The following DNTTIP1 variants were observed in gnomAD, a reference collection of about 807,000 sequenced individuals.
DNTTIP1 encodes deoxynucleotidyltransferase terminal-interacting protein 1.
A neutral mutation model predicts 52.9 loss-of-function variants in DNTTIP1; 22 were observed. The observed-to-expected ratio is 0.42, with a 90% CI of 0.30 to 0.59. DNTTIP1 has a LOEUF of 0.59. Among genes scored for constraint, DNTTIP1 ranks in the 20% least tolerant of loss-of-function variants. The probability of loss-of-function intolerance (pLI) is 0.22; values close to 1 mark genes in which losing one functional copy is unlikely to be tolerated. For synonymous variants in DNTTIP1, 136 were observed against 155.1 expected, an observed-to-expected ratio of 0.88 and a Z score of 0.92; for missense variants, 286 against 435.5, an observed-to-expected ratio of 0.66 and a Z score of 3.06.
intron 7 of DNTTIP1, among the ~76,000 whole-genome samples, chr20:45,802,722 A>G (rs1187524082): frequency 6.6e-6 from 1 of 152,162 alleles, no homozygotes; most frequent in Non-Finnish European, 1.5e-5. Flanking sequence ...AGACAAATGC[A>G]TAGTGACAGG....
intron 4 of DNTTIP1, among the ~76,000 whole-genome samples, chr20:45,799,487 G>C (rs963930296): frequency 6.6e-6 from 1 of 152,108 alleles, no homozygotes; most frequent in African/African-American, 2.4e-5. Flanking sequence ...TCCCACCTTT[G>C]AGCTTCTGCA....
At position 45,792,732 on chromosome 20, in the gene DNTTIP1, C is replaced by T; in HGVS notation, c.161C>T (p.Ser54Leu). Residue 54 changes from serine (S) to leucine (L), a missense_variant, in exon 2 of 13, where the codon TCA becomes TTA. This residue lies in a region of DNTTIP1 where 208 missense variants were observed against 266.5 expected (regional missense o/e 0.78). Coordinates refer to ENST00000372622, the MANE Select transcript of DNTTIP1 (RefSeq NM_052951.3). Reference sequence around the variant, plus strand: ...CAGGTGCAGCGGAGGGGCCGCCGCTCACAGATGACAACAAGGTAAGGCTGG... The same window carrying T: ...CAGGTGCAGCGGAGGGGCCGCCGCTTACAGATGACAACAAGGTAAGGCTGG... ...HRQVQRRGRRSQMTTSFTDPA... is the reference protein window; with the variant it reads ...HRQVQRRGRRLQMTTSFTDPA... The T allele has an allele frequency of 6.2e-7, 1 of 1,612,498 alleles. No homozygotes were observed. The highest frequency in any genetic ancestry group is 1.3e-5 in the African/African-American group (1 of 74,944).
At chr20:45,807,852 TGAGG>T (rs1981699388) in intron 10 of DNTTIP1, among the ~76,000 whole-genome samples, 1 of 151,980 alleles carries the variant, frequency 6.6e-6, no homozygotes, top group South Asian at 2.1e-4. Context: ...CTCGGGAGGC[TGAGG>T]CAGGAGAATT....
At position 45,803,393 on chromosome 20, in the gene DNTTIP1, G is replaced by A. The variant is rs1981536318; in HGVS notation, c.603+15G>A. ...AAGGCCCCAAGGTATGATTATGTGA[G>A]CATGGCAGAGATCACGATCCCAGGA... On this transcript the variant is annotated intron_variant, in intron 8 of 12. Coordinates refer to ENST00000372622, the MANE Select transcript of DNTTIP1 (RefSeq NM_052951.3). 1 of 1,613,906 alleles carries A rather than the reference G, an allele frequency of 6.2e-7. No individual in the cohort carries two copies. Among genetic ancestry groups the A allele is most frequent in the African/African-American group, 1.3e-5 (1 of 74,936 alleles).
intron 10 of DNTTIP1, 44 bp downstream of exon 10, chr20:45,805,410 A>G: frequency 6.3e-7 from 1 of 1,596,272 alleles, no homozygotes; most frequent in Non-Finnish European, 8.6e-7. Flanking sequence ...CATTGGGAGT[A>G]GACTGGGAAC....
At chr20:45,796,387 C>CA (rs11477536) in intron 4 of DNTTIP1, 5,335 of 370,332 alleles carry the variant, frequency 0.014, 71 homozygotes, top group African/African-American at 0.062. Context: ...AAAAGCAAAG[C>CA]AAAAAAAAAA....
chr20:45,802,205 G>T, intron 7 of DNTTIP1, 148 bp downstream of exon 7: 1 of 870,532 alleles, frequency 1.1e-6, no homozygotes, highest in Middle Eastern at 3.3e-4. Context: ...GGTTGGAGGG[G>T]TGAGGAAGGA....
At position 45,809,131 on chromosome 20, in the gene DNTTIP1, G is replaced by T. The variant is rs751788944; in HGVS notation, c.741G>T (p.Gln247His). 1 of 1,614,182 alleles carries T rather than the reference G, an allele frequency of 6.2e-7. No individual in the cohort carries two copies. Among genetic ancestry groups the T allele is most frequent in the Non-Finnish European group, 8.5e-7 (1 of 1,180,020 alleles). Reference sequence around the variant, plus strand: ...CCTTACAGTATGCAGCTGACCCCCAGGATAAGCACTGGCTGGCTGAGCAGC... The same window carrying T: ...CCTTACAGTATGCAGCTGACCCCCATGATAAGCACTGGCTGGCTGAGCAGC... ...PHLFKYAADP[Q>H]DKHWLAEQHH... is the part of the protein sequence containing the mutation. Residue 247 changes from glutamine (Q) to histidine (H), a missense_variant, in exon 11 of 13, where the codon CAG becomes CAT. Physicochemically the swap from Gln to His is conservative, Grantham distance 24 (BLOSUM62 0). Around this residue, in one of 2 missense-constraint regions of DNTTIP1, gnomAD observed 78 missense variants for 169.0 expected, o/e 0.46. Transcript: ENST00000372622. This position sits in a 1 kb window ranked among gnomAD's most constrained non-coding sequence, Gnocchi z 4.2.
chr20:45,807,804 G>A (rs932378688), intron 10 of DNTTIP1, among the ~76,000 whole-genome samples: 1 of 151,720 alleles, frequency 6.6e-6, no homozygotes, highest in Non-Finnish European at 1.5e-5. Context: ...AAAATTAGCC[G>A]GGCATGGTGG....
At chr20:45,795,706 C>T (rs1335659236) in intron 4 of DNTTIP1, among the ~76,000 whole-genome samples, 1 of 152,004 alleles carries the variant, frequency 6.6e-6, no homozygotes, top group Non-Finnish European at 1.5e-5. Flanking sequence ...GCCATAGGCA[C>T]GAGAATCGCT....
At chr20:45,798,249 G>A (rs979583844) in intron 4 of DNTTIP1, among the ~76,000 whole-genome samples, 2 of 150,602 alleles carry the variant, frequency 1.3e-5, no homozygotes, top group Non-Finnish European at 2.9e-5. Flanking sequence ...ACCAAACACC[G>A]CATGTTCTCA....
rs761023465 is a variant in DNTTIP1 at position 45,802,066 on chromosome 20, G to A, written c.557+9G>A. ...GCAGCCGCCGGCATGGTGTGAGTAG[G>A]GACCAACAGTGTGGTGAGAGCATAG... On this transcript the variant is annotated intron_variant, in intron 7 of 12. Coordinates refer to ENST00000372622, the MANE Select transcript of DNTTIP1 (RefSeq NM_052951.3). The A allele has an allele frequency of 1.2e-6, 2 of 1,614,010 alleles. No homozygotes were observed. The highest frequency in any genetic ancestry group is 2.2e-5 in the South Asian group (2 of 91,082).
chr20:45,792,298 A>G (rs574224368), intron 1 of DNTTIP1, among the ~76,000 whole-genome samples, 189 bp downstream of exon 1: 2 of 152,194 alleles, frequency 1.3e-5, no homozygotes, highest in Non-Finnish European at 2.9e-5. Context: ...CATCTCTGTC[A>G]ACCCCCTGAG....
intron 7 of DNTTIP1, among the ~76,000 whole-genome samples, chr20:45,802,741 A>G (rs1981515740): frequency 6.6e-6 from 1 of 152,120 alleles, no homozygotes; most frequent in Non-Finnish European, 1.5e-5. Context: ...GGCATCCACC[A>G]TTCTAGTATC....
At chr20:45,802,121 G>A (rs901772315) in intron 7 of DNTTIP1, 64 bp downstream of exon 7, 7 of 1,547,678 alleles carry the variant, frequency 4.5e-6, no homozygotes, top group Non-Finnish European at 6.2e-6. Context: ...GGCCCTGAAG[G>A]AAAAGAGTCC....
chr20:45,803,264 C>G (rs1230459395), intron 7 of DNTTIP1, 69 bp from the exon 8 acceptor site: 2 of 1,514,058 alleles, frequency 1.3e-6, no homozygotes, highest in Admixed American at 1.7e-5. Context: ...CCTACCACCA[C>G]CAGCAAGCTG....
At chr20:45,792,536 A>T (rs1271005835) in intron 1 of DNTTIP1, 141 bp from the exon 2 acceptor site, 2 of 650,278 alleles carry the variant, frequency 3.1e-6, no homozygotes, top group South Asian at 2.2e-5. Context: ...CCTTACAACT[A>T]TCGTCCCACC....
chr20:45,801,590 AC>A, intron 6 of DNTTIP1, 132 bp downstream of exon 6: 1 of 916,062 alleles, frequency 1.1e-6, no homozygotes, highest in Non-Finnish European at 1.7e-6. Flanking sequence ...GAGTTTTGAG[AC>A]CAGTCTGGGT....
intron 4 of DNTTIP1, chr20:45,796,705 T>G (rs1981251276): frequency 2.7e-6 from 1 of 376,326 alleles, no homozygotes; most frequent in Middle Eastern, 9.1e-4. Context: ...TCTCACCTCC[T>G]ATTCATTCTC....
Sources: gnomAD v4.1 joint callset for allele counts (sites outside exome capture counted in the v4.1 genomes callset) on GRCh38, gnomAD v4.1.1 for gene constraint, gnomAD v4.1.1 regional missense constraint, Gnocchi (gnomAD v3.1) non-coding constraint, MANE v1.5 for transcripts, NCBI Gene and HGNC (gene_info 2026-07-23, HGNC 2026-07-21) for gene names.